Variants in GLI3 observed in about 807,000 individuals in gnomAD.
The protein encoded by GLI3 is GLI family zinc finger 3.
A neutral mutation model predicts 100.8 loss-of-function variants in GLI3; 20 were observed. The observed-to-expected ratio is 0.20, with a 90% CI of 0.14 to 0.29. The LOEUF (loss-of-function observed/expected upper bound fraction) is 0.29, where lower values mean the gene tolerates loss of function less well. Among genes scored for constraint, GLI3 ranks in the 10% least tolerant of loss-of-function variants. GLI3 has a pLI of 1.00. For missense variants in GLI3, 2,040 were observed against 2,128.5 expected (o/e 0.96, Z 0.82); for synonymous variants, 938 against 860.5 (o/e 1.09, Z -1.58).
intron 10 of GLI3, among the ~76,000 whole-genome samples, chr7:42,014,863 TAAGATGAACAGCAGCCTGCATAGGC>T: frequency 6.6e-6 from 1 of 152,148 alleles, no homozygotes; most frequent in Non-Finnish European, 1.5e-5. Context: ...AGTAAACAGG[TAAGATGAACAGCAGCCTGCATAGGC>T]GAGCCTGTGC....
upstream of GLI3, among the ~76,000 whole-genome samples, chr7:42,242,543 T>G (rs1788935749): frequency 6.6e-6 from 1 of 152,218 alleles, no homozygotes; most frequent in African/African-American, 2.4e-5. Flanking sequence ...CCCGTAGGGA[T>G]ATTTTTATTT....
At chr7:42,144,666 T>C (rs1454446042) in intron 3 of GLI3, among the ~76,000 whole-genome samples, 1 of 152,076 alleles carries the variant, frequency 6.6e-6, no homozygotes, top group African/African-American at 2.4e-5. Context: ...CAGATGTCCT[T>C]CTGAAGGGGA....
chr7:42,057,369 C>A (rs2128745699), intron 4 of GLI3, among the ~76,000 whole-genome samples: 1 of 152,306 alleles, frequency 6.6e-6, no homozygotes, highest in East Asian at 1.9e-4. Context: ...TTTAGGCCAA[C>A]AGGAACTCTC....
At chr7:42,073,075 A>G (rs1230610933) in intron 4 of GLI3, among the ~76,000 whole-genome samples, 1 of 152,242 alleles carries the variant, frequency 6.6e-6, no homozygotes, top group Non-Finnish European at 1.5e-5. Flanking sequence ...TACATTTTAT[A>G]ACAACCTTTA....
rs1036673888 is a variant in GLI3 at position 41,972,050 on chromosome 7, T to C, written c.2103+287A>G. On this transcript the variant is annotated intron_variant, in intron 13 of 14. Transcript: ENST00000395925. This position sits in a 1 kb window ranked among gnomAD's most constrained non-coding sequence, Gnocchi z 4.4. ...TACAGGAAGAGTCAATGAATGATTTTCGACATTACAGACACGCTGGAGAGA... is the reference window on the plus strand; with the variant it reads ...TACAGGAAGAGTCAATGAATGATTTCCGACATTACAGACACGCTGGAGAGA... 2.0e-5 allele frequency among the ~76,000 whole-genome samples: 3 copies of C among 152,218 alleles called. No homozygotes were observed. The highest frequency in any genetic ancestry group is 2.0e-4 in the Admixed American group (3 of 15,282).
chr7:42,032,690 A>G (rs1295739163), intron 7 of GLI3, among the ~76,000 whole-genome samples: 1 of 152,216 alleles, frequency 6.6e-6, no homozygotes, highest in Non-Finnish European at 1.5e-5. Context: ...GCAGCATAAT[A>G]TGGCTTGCTG....
intron 1 of GLI3, among the ~76,000 whole-genome samples, chr7:42,247,078 G>A (rs1788984372): frequency 6.6e-6 from 1 of 152,032 alleles, no homozygotes; most frequent in Non-Finnish European, 1.5e-5. Flanking sequence ...TTGCTTTGAG[G>A]CAGATGTTGG....
Position 41,963,925 on chromosome 7 carries a change from A to G in GLI3, c.*405T>C. On this transcript the variant is annotated 3_prime_UTR_variant, in exon 15 of 15. Transcript: ENST00000395925. ...AAGCTGGAAGTGTAACCCCTTGGTC[A>G]CAAGCACACCAACTCCTATTTCCTT... 4.6e-5 allele frequency: 8 copies of G among 175,184 alleles called. No homozygotes were observed. Among genetic ancestry groups the G allele is most frequent in the South Asian group, 2.6e-4 (2 of 7,792 alleles). The allele number at this position is 175,184 out of a possible 1,614,324, so 10.9% of individuals were successfully genotyped here.
intron 3 of GLI3, among the ~76,000 whole-genome samples, chr7:42,092,828 TATAG>T (rs1785254324): frequency 6.9e-6 from 1 of 144,130 alleles, no homozygotes. Context: ...TTTATGTATT[TATAG>T]AGACGGAGTC....
intron 7 of GLI3, among the ~76,000 whole-genome samples, chr7:42,035,226 T>C (rs1365478821): frequency 1.3e-5 from 2 of 152,214 alleles, no homozygotes; most frequent in Admixed American, 1.3e-4. Flanking sequence ...AATTCATTTG[T>C]GTGTTATTTC....
chr7:41,991,528 AT>A (rs1184317662), intron 10 of GLI3, among the ~76,000 whole-genome samples: 2 of 152,206 alleles, frequency 1.3e-5, no homozygotes, highest in Non-Finnish European at 2.9e-5. Context: ...TATCCACTAC[AT>A]GTTCTATACC....
chr7:42,101,690 T>TTATTTTA (rs1785466213), intron 3 of GLI3, among the ~76,000 whole-genome samples: 1 of 149,864 alleles, frequency 6.7e-6, no homozygotes, highest in African/African-American at 2.5e-5. Flanking sequence ...ATTTATTTAT[T>TTATTTTA]TTATTATTAT....
chr7:42,054,198 G>T (rs1784407140), intron 4 of GLI3, among the ~76,000 whole-genome samples: 4 of 152,192 alleles, frequency 2.6e-5, no homozygotes. Context: ...ATTCTTATCA[G>T]AGCATTTTTA....
At chr7:42,125,349 C>T (rs549139109) in intron 3 of GLI3, among the ~76,000 whole-genome samples, 5 of 152,184 alleles carry the variant, frequency 3.3e-5, no homozygotes, top group Non-Finnish European at 7.3e-5. Context: ...CCTTAAAAGG[C>T]TGAACAACAG....
At chr7:42,179,542 G>C (rs558847430) in intron 2 of GLI3, among the ~76,000 whole-genome samples, 2 of 152,300 alleles carry the variant, frequency 1.3e-5, no homozygotes, top group South Asian at 4.1e-4. Flanking sequence ...AGCAAGGATG[G>C]TGGTGAGGAA....
At chr7:42,220,294 G>A (rs774896359) in intron 2 of GLI3, among the ~76,000 whole-genome samples, 2 of 152,084 alleles carry the variant, frequency 1.3e-5, no homozygotes, top group South Asian at 2.1e-4. Flanking sequence ...TCCTTTCTAC[G>A]AATAGCGTCA....
intron 7 of GLI3, among the ~76,000 whole-genome samples, chr7:42,037,220 G>A (rs1309103070): frequency 2.6e-5 from 4 of 152,164 alleles, no homozygotes; most frequent in South Asian, 2.1e-4. Flanking sequence ...AGCATGAGCC[G>A]TGCACCTGCC....
intron 1 of GLI3, among the ~76,000 whole-genome samples, chr7:42,260,364 C>T (rs563361340): frequency 3.2e-4 from 49 of 152,230 alleles, no homozygotes; most frequent in East Asian, 1.2e-3. Context: ...TATTATTTTA[C>T]GCATTCAACT....
At chr7:42,122,323 G>T (rs543289489) in intron 3 of GLI3, among the ~76,000 whole-genome samples, 1 of 140,040 alleles carries the variant, frequency 7.1e-6, no homozygotes, top group African/African-American at 2.7e-5. Flanking sequence ...GATTTTTTAT[G>T]ATTTTTATTA....
Sources: allele counts gnomAD v4.1 joint callset (sites outside exome capture counted in the v4.1 genomes callset), GRCh38; gene constraint gnomAD v4.1.1; non-coding constraint Gnocchi (gnomAD v3.1); transcripts MANE v1.5; gene names NCBI Gene and HGNC (gene_info 2026-07-23, HGNC 2026-07-21).